The following FAM219A variants were observed in gnomAD, a reference collection of about 807,000 sequenced individuals.
FAM219A encodes the protein protein FAM219A.
In FAM219A, 7 loss-of-function variants were observed where a neutral mutation model predicts 23.4. That is an observed-to-expected ratio of 0.30 (90% CI 0.17 to 0.56). FAM219A has a LOEUF of 0.56. Ranked by LOEUF, FAM219A falls within the 20% of genes least tolerant of loss-of-function variation. The pLI is 0.92. For missense variants in FAM219A, 166 were observed against 246.9 expected (o/e 0.67, Z 2.20); for synonymous variants, 93 against 99.0 (o/e 0.94, Z 0.36).
intron 1 of FAM219A, among the ~76,000 whole-genome samples, chr9:34,425,367 C>T (rs573677370): frequency 3.5e-4 from 54 of 152,174 alleles, no homozygotes; most frequent in Middle Eastern, 3.4e-3. Context: ...GTAATCCCAG[C>T]TACTCGGGAG....
intron 5 of FAM219A, 123 bp downstream of exon 5, chr9:34,401,543 G>C: frequency 8.8e-7 from 1 of 1,140,624 alleles, no homozygotes. Context: ...ACCCTGTGCA[G>C]GGCACCACCC....
chr9:34,454,543 T>C (rs183467930), intron 1 of FAM219A, among the ~76,000 whole-genome samples: 7 of 152,114 alleles, frequency 4.6e-5, no homozygotes, highest in Non-Finnish European at 1.0e-4. Flanking sequence ...ATTAAATAAT[T>C]GGTGTGATGG....
chr9:34,425,662 C>T (rs1455436112), intron 1 of FAM219A, among the ~76,000 whole-genome samples: 4 of 152,290 alleles, frequency 2.6e-5, no homozygotes, highest in African/African-American at 9.6e-5. Context: ...CATGCAAACA[C>T]TGACACCTAT....
intron 1 of FAM219A, among the ~76,000 whole-genome samples, chr9:34,426,971 C>G (rs1377946477): frequency 6.6e-6 from 1 of 151,660 alleles, no homozygotes; most frequent in Non-Finnish European, 1.5e-5. Flanking sequence ...TTTCTCCAGA[C>G]CAGGCTAAGA....
chr9:34,411,788 T>C lies in FAM219A; in HGVS notation c.61-5824A>G, dbSNP rs143423374. On this transcript the variant is annotated intron_variant, in intron 1 of 5. Coordinates refer to ENST00000651358, the MANE Select transcript of FAM219A (RefSeq NM_001184940.2). ...AAGAGCCATATAAAAGTAGAGAGAATGGGACAAAGGGAGGGTGGTCAAAGG... is the reference window on the plus strand; with the variant it reads ...AAGAGCCATATAAAAGTAGAGAGAACGGGACAAAGGGAGGGTGGTCAAAGG... Among the ~76,000 whole-genome samples the C allele has an allele frequency of 3.4e-3, 514 of 151,866 alleles. 4 individuals carry two copies. The highest frequency in any genetic ancestry group is 0.011 in the African/African-American group (475 of 41,390).
rs2131920863 is a variant in FAM219A at position 34,401,187 on chromosome 9, CCA to C, written c.400-67_400-66del. On this transcript the variant is annotated intron_variant, in intron 5 of 5. Coordinates refer to ENST00000651358, the MANE Select transcript of FAM219A (RefSeq NM_001184940.2). Reference sequence around the variant, plus strand: ...GGAGGCACCACCCACAGCTCTGCGGCCACTCCAGGCCGTCTGCGCCCCAGTCC... The same window carrying C: ...GGAGGCACCACCCACAGCTCTGCGGCCTCCAGGCCGTCTGCGCCCCAGTCC... 5 of 1,568,990 alleles carry C rather than the reference CCA, an allele frequency of 3.2e-6. No individual in the cohort carries two copies. In the East Asian group the frequency reaches 6.8e-5, roughly 21 times the overall value.
At chr9:34,422,868 A>G (rs578112173) in intron 1 of FAM219A, among the ~76,000 whole-genome samples, 3 of 152,292 alleles carry the variant, frequency 2.0e-5, no homozygotes, top group African/African-American at 7.2e-5. Flanking sequence ...GGTTCTGGAC[A>G]TATAAAAATA....
intron 1 of FAM219A, among the ~76,000 whole-genome samples, chr9:34,439,635 G>A (rs1035691179): frequency 6.6e-6 from 1 of 152,074 alleles, no homozygotes; most frequent in South Asian, 2.1e-4. Context: ...ACAAAAAAAA[G>A]GTAGAAGGTG....
chr9:34,454,262 C>T (rs1823657678), intron 1 of FAM219A, among the ~76,000 whole-genome samples: 1 of 152,182 alleles, frequency 6.6e-6, no homozygotes, highest in Non-Finnish European at 1.5e-5. Flanking sequence ...ATGGTGAAAG[C>T]CTGTCTCTAC....
At position 34,402,365 on chromosome 9, in the gene FAM219A, ACCC is replaced by A. The variant is rs1821476210; in HGVS notation, c.344+19_344+21del. Reference sequence around the variant, plus strand: ...ACAGGTTCCTTTGGGCTGCCCAGCTACCCCCAAGCCCCCATACACACCTGTCCG... The same window carrying A: ...ACAGGTTCCTTTGGGCTGCCCAGCTACCAAGCCCCCATACACACCTGTCCG... On this transcript the variant is annotated intron_variant, in intron 4 of 5. Transcript: ENST00000651358. 1 of 1,613,754 alleles carries A rather than the reference ACCC, an allele frequency of 6.2e-7. No individual in the cohort carries two copies. The highest frequency in any genetic ancestry group is 2.2e-5 in the East Asian group (1 of 44,882).
chr9:34,407,857 G>A (rs1281134748), intron 1 of FAM219A, among the ~76,000 whole-genome samples: 6 of 152,226 alleles, frequency 3.9e-5, no homozygotes, highest in Non-Finnish European at 5.9e-5. Flanking sequence ...GTGGTTGCTG[G>A]TGACCTGGCA....
At position 34,400,726 on chromosome 9, in the gene FAM219A, G is replaced by A; in HGVS notation, c.*238C>T. On this transcript the variant is annotated 3_prime_UTR_variant, in exon 6 of 6. Transcript: ENST00000651358. ...GGTTCCCCCAGGTAACTGAACAAAC[G>A]GCCCCCACCCCTCCTCAGCTCCCGG... is the stretch of plus-strand genomic sequence containing the variant. 2.5e-6 allele frequency: 1 copy of A among 404,436 alleles called. No individual in the cohort carries two copies. The highest frequency in any genetic ancestry group is 4.4e-6 in the Non-Finnish European group (1 of 229,826). The allele number at this position is 404,436 out of a possible 1,614,324, so 25.1% of individuals were successfully genotyped here. A position where few individuals can be genotyped will look rare whatever the true frequency, so the allele number is the denominator to read the frequency against.
chr9:34,404,622 C>T (rs1821567896), intron 2 of FAM219A, among the ~76,000 whole-genome samples: 7 of 152,120 alleles, frequency 4.6e-5, no homozygotes, highest in Admixed American at 3.9e-4. Flanking sequence ...GCAGGAGAAT[C>T]GCTTGAACCA....
intron 1 of FAM219A, among the ~76,000 whole-genome samples, chr9:34,454,258 A>G (rs959988709): frequency 6.6e-6 from 1 of 152,228 alleles, no homozygotes; most frequent in Non-Finnish European, 1.5e-5. Context: ...CAACATGGTG[A>G]AAGCCTGTCT....
chr9:34,445,673 C>G (rs1019623722), intron 1 of FAM219A, among the ~76,000 whole-genome samples: 17 of 152,096 alleles, frequency 1.1e-4, no homozygotes, highest in African/African-American at 4.1e-4. Context: ...GAAGTTCAAG[C>G]CTGATGTAGA....
At chr9:34,402,587 G>A (rs970600683) in intron 3 of FAM219A, 118 bp downstream of exon 3, 1 of 1,555,550 alleles carries the variant, frequency 6.4e-7, no homozygotes, top group Non-Finnish European at 8.8e-7. Context: ...ATCCTGTTAA[G>A]GCTGTCTCCT....
intron 1 of FAM219A, among the ~76,000 whole-genome samples, chr9:34,427,305 G>A (rs900898943): frequency 6.6e-6 from 1 of 151,972 alleles, no homozygotes; most frequent in Non-Finnish European, 1.5e-5. Context: ...CCAAGTAGCT[G>A]GGACTACAGG....
chr9:34,421,686 C>A (rs1822291099), intron 1 of FAM219A, among the ~76,000 whole-genome samples: 2 of 151,918 alleles, frequency 1.3e-5, no homozygotes, highest in Admixed American at 1.3e-4. Flanking sequence ...TGAGTACACC[C>A]CCCTGCCACA....
At chr9:34,440,537 T>G (rs1823127483) in intron 1 of FAM219A, among the ~76,000 whole-genome samples, 1 of 151,046 alleles carries the variant, frequency 6.6e-6, no homozygotes, top group South Asian at 2.1e-4. Flanking sequence ...CCCTCACAGG[T>G]TTTTTTTTCT....
Sources: allele counts gnomAD v4.1 joint callset (sites outside exome capture counted in the v4.1 genomes callset), GRCh38; gene constraint gnomAD v4.1.1; transcripts MANE v1.5; gene names NCBI Gene and HGNC (gene_info 2026-07-23, HGNC 2026-07-21).